The following TESC variants were observed in gnomAD, a reference collection of about 807,000 sequenced individuals.
The protein encoded by TESC is calcineurin B homologous protein 3.
Under a neutral mutation model 31.0 loss-of-function variants are expected in TESC, and 19 were observed. That is an observed-to-expected ratio of 0.61 (90% CI 0.43 to 0.90). The LOEUF (loss-of-function observed/expected upper bound fraction) is 0.90, where lower values mean the gene tolerates loss of function less well. Among genes scored for constraint, TESC ranks in the 40% least tolerant of loss-of-function variants. TESC has a pLI of 0.00. For missense variants in TESC, 248 were observed against 303.8 expected, an observed-to-expected ratio of 0.82 and a Z score of 1.36; for synonymous variants, 109 against 114.8, an observed-to-expected ratio of 0.95 and a Z score of 0.32.
At chr12:117,089,404 C>A (rs983919252) in intron 1 of TESC, among the ~76,000 whole-genome samples, 10 of 151,996 alleles carry the variant, frequency 6.6e-5, no homozygotes, top group Non-Finnish European at 1.2e-4. Context: ...AGCTTATAAT[C>A]AAAAAACCAA....
intron 6 of TESC, among the ~76,000 whole-genome samples, chr12:117,043,530 G>A (rs1240904175): frequency 3.3e-5 from 5 of 152,156 alleles, no homozygotes; most frequent in Non-Finnish European, 7.3e-5. Flanking sequence ...CGCGATCTTG[G>A]CTCACTGTGA....
chr12:117,075,447 C>T, intron 1 of TESC, 107 bp from the exon 2 acceptor site: 1 of 1,190,112 alleles, frequency 8.4e-7, no homozygotes, highest in South Asian at 1.4e-5. Flanking sequence ...GCTGCCACAC[C>T]CCTTCTCAAA....
chr12:117,045,819 G>A (rs551044615), intron 6 of TESC, among the ~76,000 whole-genome samples: 27 of 152,310 alleles, frequency 1.8e-4, no homozygotes, highest in African/African-American at 6.5e-4. Context: ...AAACCCCTCA[G>A]GGAACACACG....
In TESC at chr12:117,067,819, T is replaced by C. The variant is rs7960678; in HGVS notation, c.128+7452A>G. On this transcript the variant is annotated intron_variant, in intron 2 of 7. Transcript: ENST00000335209. Reference sequence around the variant, plus strand: ...ACCTCAGAGGGTTCCTGAGACCATGTGAGCGTTGAGCCCAGCGTCTGGCAC... The same window carrying C: ...ACCTCAGAGGGTTCCTGAGACCATGCGAGCGTTGAGCCCAGCGTCTGGCAC... 9.4e-3 allele frequency among the ~76,000 whole-genome samples: 1,428 copies of C among 152,344 alleles called. 16 individuals carry two copies. The highest frequency in any genetic ancestry group is 0.032 in the African/African-American group (1,315 of 41,582).
rs992612314 is a variant in TESC at position 117,082,797 on chromosome 12, T to C, written c.59-7457A>G. ...TTTCAGATGGTAGAATTACAGAACA[T>C]TTTTCTCCTCCTCCCTTTGACCCTA... On this transcript the variant is annotated intron_variant, in intron 1 of 7. Coordinates refer to ENST00000335209, the MANE Select transcript of TESC (RefSeq NM_017899.4). 3.9e-5 allele frequency among the ~76,000 whole-genome samples: 6 copies of C among 152,284 alleles called. No individual in the cohort carries two copies. In the East Asian group the frequency reaches 9.6e-4, roughly 24 times the overall value.
chr12:117,082,974 C>T (rs778522985), intron 1 of TESC, among the ~76,000 whole-genome samples: 3 of 151,448 alleles, frequency 2.0e-5, no homozygotes, highest in Non-Finnish European at 4.4e-5. Context: ...CTGAAACTCT[C>T]ATACATTACT....
chr12:117,039,238 C>T, intron 7 of TESC, 28 bp from the exon 8 acceptor site: 1 of 1,599,730 alleles, frequency 6.3e-7, no homozygotes, highest in Non-Finnish European at 8.5e-7. Flanking sequence ...GCGTTAAGGG[C>T]ACGTTCCCGC....
rs1447697894 is a variant in TESC at position 117,099,267 on chromosome 12, A to G, written c.16T>C (p.Ser6Pro). ...AGCTCCCGCACCTCCTCAGACGCGG[A>G]GTGGGCAGCGCCCATGGTGCCCGCG... MGAAH[S>P]ASEEVRELEG... The change falls in exon 1 of 8, where the codon TCC becomes CCC. Residue 6 changes from serine (S) to proline (P), a missense_variant. Ser to Pro is a moderately conservative substitution (Grantham distance 74). Coordinates refer to ENST00000335209, the MANE Select transcript of TESC (RefSeq NM_017899.4). 13 of 1,465,506 alleles carry G rather than the reference A, an allele frequency of 8.9e-6. No homozygotes were observed. Among genetic ancestry groups the G allele is most frequent in the Non-Finnish European group, 1.2e-5 (13 of 1,116,226 alleles). 90.8% of individuals were successfully genotyped at this position (1,465,506 alleles called of 1,614,324 possible).
At chr12:117,051,028 G>C (rs1057337611) in intron 3 of TESC, among the ~76,000 whole-genome samples, 5 of 152,206 alleles carry the variant, frequency 3.3e-5, no homozygotes, top group Non-Finnish European at 5.9e-5. Flanking sequence ...GAGCGCCCGA[G>C]GCTGCTGGGG....
intron 2 of TESC, among the ~76,000 whole-genome samples, 193 bp from the exon 3 acceptor site, chr12:117,057,079 G>A (rs1182258735): frequency 6.6e-6 from 1 of 152,176 alleles, no homozygotes; most frequent in Non-Finnish European, 1.5e-5. Flanking sequence ...GACTGGGCAA[G>A]GGCAGGGAGG....
rs1593014353 is a variant in TESC at position 117,075,149 on chromosome 12, A to G, written c.128+122T>C. 4.6e-6 allele frequency: 5 copies of G among 1,075,576 alleles called. No homozygotes were observed. In the East Asian group the frequency reaches 1.3e-4, roughly 27 times the overall value. The allele number at this position is 1,075,576 out of a possible 1,614,324, so 66.6% of individuals were successfully genotyped here. A position where few individuals can be genotyped will look rare whatever the true frequency, so the allele number is the denominator to read the frequency against. ...CGACGGAGCGAGACTCCATCTCCAAAATAAATAAAAAATAAAAAGAAAACA... is the reference window on the plus strand; with the variant it reads ...CGACGGAGCGAGACTCCATCTCCAAGATAAATAAAAAATAAAAAGAAAACA... On this transcript the variant is annotated intron_variant, in intron 2 of 7. Transcript: ENST00000335209.
At chr12:117,047,303 T>C (rs1954583171) in intron 4 of TESC, among the ~76,000 whole-genome samples, 1 of 152,190 alleles carries the variant, frequency 6.6e-6, no homozygotes, top group Admixed American at 6.5e-5. Flanking sequence ...TGATCTAACA[T>C]GGGCAGCCCC....
At chr12:117,049,280 C>T (rs1278090766) in intron 3 of TESC, 122 bp from the exon 4 acceptor site, 62 of 1,387,054 alleles carry the variant, frequency 4.5e-5, no homozygotes, top group Non-Finnish European at 5.2e-5. Flanking sequence ...TGGCTGCTCT[C>T]GCCTTGCGTC....
chr12:117,040,357 AG>A (rs755110571), intron 7 of TESC, among the ~76,000 whole-genome samples: 6 of 152,172 alleles, frequency 3.9e-5, no homozygotes, highest in Non-Finnish European at 7.4e-5. Context: ...GGGCATTGGA[AG>A]GAATCAGGGA....
At chr12:117,088,231 G>A (rs193212526) in intron 1 of TESC, among the ~76,000 whole-genome samples, 108 of 152,220 alleles carry the variant, frequency 7.1e-4, no homozygotes, top group African/African-American at 2.5e-3. Flanking sequence ...AGATGATGAA[G>A]GGGGAAAAAA....
At chr12:117,048,969 G>T in intron 4 of TESC, 50 bp downstream of exon 4, 1 of 1,612,948 alleles carries the variant, frequency 6.2e-7, no homozygotes. Flanking sequence ...GGTCTTAGGG[G>T]AGGCTGCACC....
At chr12:117,053,287 C>A (rs968543202) in intron 3 of TESC, among the ~76,000 whole-genome samples, 2 of 152,198 alleles carry the variant, frequency 1.3e-5, no homozygotes, top group Non-Finnish European at 2.9e-5. Flanking sequence ...CAGCGGCATA[C>A]CCAGTGCACC....
At chr12:117,052,259 C>T (rs1021467444) in intron 3 of TESC, among the ~76,000 whole-genome samples, 1 of 152,202 alleles carries the variant, frequency 6.6e-6, no homozygotes, top group African/African-American at 2.4e-5. Flanking sequence ...ATGGCCTCTG[C>T]TCAAAATACC....
At chr12:117,074,049 C>A (rs1459892949) in intron 2 of TESC, among the ~76,000 whole-genome samples, 2 of 152,058 alleles carry the variant, frequency 1.3e-5, no homozygotes, top group Non-Finnish European at 2.9e-5. Context: ...CATAGTGAGA[C>A]CCCCATCTCT....
Sources: allele counts gnomAD v4.1 joint callset (sites outside exome capture counted in the v4.1 genomes callset), GRCh38; gene constraint gnomAD v4.1.1; transcripts MANE v1.5; gene names NCBI Gene and HGNC (gene_info 2026-07-23, HGNC 2026-07-21).